The following PLEKHG5 variants were observed in gnomAD, a reference collection of about 807,000 sequenced individuals.
The protein encoded by PLEKHG5 is pleckstrin homology domain-containing family G member 5.
Under a neutral mutation model 103.8 loss-of-function variants are expected in PLEKHG5, and 52 were observed. The observed-to-expected ratio is 0.50, with a 90% CI of 0.40 to 0.63. The LOEUF (loss-of-function observed/expected upper bound fraction) is 0.63. Ranked by LOEUF, PLEKHG5 falls within the 30% of genes least tolerant of loss-of-function variation. PLEKHG5 has a pLI of 0.00. For synonymous variants in PLEKHG5, 592 were observed against 575.5 expected, an observed-to-expected ratio of 1.03 and a Z score of -0.41; for missense variants, 1,205 against 1,347.6, an observed-to-expected ratio of 0.89 and a Z score of 1.66.
rs1644799258 is a variant in PLEKHG5 at position 6,477,649 on chromosome 1, G to A, written c.-78C>T. The A allele has an allele frequency of 6.2e-7, 1 of 1,603,896 alleles. No individual in the cohort carries two copies. The highest frequency in any genetic ancestry group is 8.5e-7 in the Non-Finnish European group (1 of 1,179,890). On this transcript the variant is annotated 5_prime_UTR_variant, in exon 2 of 21. Transcript: ENST00000377728. Reference sequence around the variant, plus strand: ...CGGTGCAGCTGCTGGCAGTCGGCGTGGTGACATACCTGGGGTGGGGACAGA... The same window carrying A: ...CGGTGCAGCTGCTGGCAGTCGGCGTAGTGACATACCTGGGGTGGGGACAGA...
intron 1 of PLEKHG5, among the ~76,000 whole-genome samples, chr1:6,502,812 ACAGCCGTGTGCC>A (rs1645310344): frequency 6.6e-6 from 1 of 152,298 alleles, no homozygotes; most frequent in Non-Finnish European, 1.5e-5. Flanking sequence ...GCCCACACAG[ACAGCCGTGTGCC>A]CAGGCTCACC....
chr1:6,513,803 A>T (rs1162734830), intron 1 of PLEKHG5, among the ~76,000 whole-genome samples: 1 of 152,150 alleles, frequency 6.6e-6, no homozygotes, highest in Non-Finnish European at 1.5e-5. Context: ...CCCAGCAGAG[A>T]CCCAGGCTGC....
intron 1 of PLEKHG5, chr1:6,519,442 C>CACCG (rs1314136721): frequency 2.5e-6 from 4 of 1,608,852 alleles, no homozygotes; most frequent in Non-Finnish European, 3.4e-6. Context: ...AAAACATACT[C>CACCG]ACCGGTTCCT....
intron 1 of PLEKHG5, among the ~76,000 whole-genome samples, chr1:6,489,565 T>A (rs1241026036): frequency 6.6e-6 from 1 of 152,220 alleles, no homozygotes; most frequent in Non-Finnish European, 1.5e-5. Flanking sequence ...CATCCCCTCC[T>A]GCCCAGCCTC....
rs1407992685 is a variant in PLEKHG5, at chr1:6,468,099, C to G, written c.2737G>C (p.Gly913Arg). 8 of 1,585,044 alleles carry G rather than the reference C, an allele frequency of 5.0e-6. No homozygotes were observed. The highest frequency in any genetic ancestry group is 2.7e-5 in the African/African-American group (2 of 74,382). Residue 913 changes from glycine (G) to arginine (R), a missense_variant, in exon 20 of 21, where the codon GGT (glycine) becomes CGT (arginine). Coordinates refer to ENST00000377728, the MANE Select transcript of PLEKHG5 (RefSeq NM_020631.6). ...TGAGGGGAGCCCTGAGTCCTAATAC[C>G]TGGGGCTGGAACAGCCAGGCAGAGC... ...SELCLAVPAPGIRTQGSPQEA... is the reference protein window; with the variant it reads ...SELCLAVPAPRIRTQGSPQEA...
chr1:6,470,090 G>T, intron 16 of PLEKHG5, 146 bp downstream of exon 16: 3 of 928,910 alleles, frequency 3.2e-6, no homozygotes, highest in African/African-American at 1.6e-5. Flanking sequence ...TTTGTGAATG[G>T]CAGGCAGAGA....
intron 17 of PLEKHG5, 35 bp downstream of exon 17, chr1:6,469,509 C>A: frequency 6.2e-7 from 1 of 1,613,842 alleles, no homozygotes; most frequent in Middle Eastern, 1.6e-4. Flanking sequence ...CCCATCACAG[C>A]CCCTGACCAG....
At chr1:6,519,564 T>C in exon 1 of PLEKHG5, 1 of 1,325,968 alleles carries the variant, frequency 7.5e-7, no homozygotes, top group Non-Finnish European at 1.1e-6. Context: ...CACATGCCAA[T>C]GCCACAGGCC....
upstream of PLEKHG5, among the ~76,000 whole-genome samples, chr1:6,501,506 G>A (rs1191861334): frequency 2.0e-5 from 3 of 152,172 alleles, no homozygotes; most frequent in East Asian, 1.9e-4. The surrounding 1 kb of genome is among the most constrained non-coding windows in gnomAD (Gnocchi z 4.3). Flanking sequence ...CTTCAGGAAC[G>A]ACACACAATG....
In PLEKHG5 at chr1:6,471,412, C is replaced by A; in HGVS notation, c.1281+76G>T. ...GGGAGGTTGGGGATGCTGGGCAGACCGGATCGGGCCGTGGAGGCTTTTCGG... is the reference window on the plus strand; with the variant it reads ...GGGAGGTTGGGGATGCTGGGCAGACAGGATCGGGCCGTGGAGGCTTTTCGG... On this transcript the variant is annotated intron_variant, in intron 12 of 20. Coordinates refer to ENST00000377728, the MANE Select transcript of PLEKHG5 (RefSeq NM_020631.6). The A allele has an allele frequency of 6.1e-6, 9 of 1,484,018 alleles. No homozygotes were observed. In the South Asian group the frequency reaches 7.6e-5, roughly 13 times the overall value. The allele number at this position is 1,484,018 out of a possible 1,614,324, so 91.9% of individuals were successfully genotyped here.
At chr1:6,493,716 C>T (rs922400124), upstream of PLEKHG5, among the ~76,000 whole-genome samples, 6 of 152,192 alleles carry the variant, frequency 3.9e-5, no homozygotes, top group African/African-American at 9.6e-5. Context: ...AGTGCAATTG[C>T]GTGATCTCAG....
At chr1:6,476,424 C>T (rs1382081236) in intron 2 of PLEKHG5, among the ~76,000 whole-genome samples, 1 of 152,120 alleles carries the variant, frequency 6.6e-6, no homozygotes, top group Non-Finnish European at 1.5e-5. Flanking sequence ...AACTCCTGAC[C>T]TGAAGTGATC....
At chr1:6,512,564 C>G (rs1359150242) in intron 1 of PLEKHG5, among the ~76,000 whole-genome samples, 1 of 152,236 alleles carries the variant, frequency 6.6e-6, no homozygotes, top group Non-Finnish European at 1.5e-5. Context: ...ACCATCATCA[C>G]CCACCCAACC....
In PLEKHG5 at chr1:6,467,426, G is replaced by A. The variant is rs201019270; in HGVS notation, c.*137C>T. On this transcript the variant is annotated 3_prime_UTR_variant, in exon 21 of 21. Coordinates refer to ENST00000377728, the MANE Select transcript of PLEKHG5 (RefSeq NM_020631.6). ...GTCCGGCAAAGCGCAAATCGGGCCCGGGCGTAGGCAGGGATCCTGCCCAGC... is the reference window on the plus strand; with the variant it reads ...GTCCGGCAAAGCGCAAATCGGGCCCAGGCGTAGGCAGGGATCCTGCCCAGC... 3.2e-4 allele frequency: 302 copies of A among 940,036 alleles called. No homozygotes were observed. Among genetic ancestry groups the A allele is most frequent in the Non-Finnish European group, 4.9e-4 (279 of 571,826 alleles). The allele number at this position is 940,036 out of a possible 1,614,324, so 58.2% of individuals were successfully genotyped here.
intron 15 of PLEKHG5, 24 bp from the exon 16 acceptor site, chr1:6,470,379 AGGG>A: frequency 6.2e-7 from 1 of 1,613,680 alleles, no homozygotes; most frequent in Non-Finnish European, 8.5e-7. Context: ...GCGTGAACGT[AGGG>A]GAGGCCAGAG....
intron 1 of PLEKHG5, among the ~76,000 whole-genome samples, chr1:6,517,921 T>C (rs996436277): frequency 6.6e-6 from 1 of 152,146 alleles, no homozygotes; most frequent in East Asian, 1.9e-4. Flanking sequence ...AAATGCGTCA[T>C]GGCGGATATA....
upstream of PLEKHG5, among the ~76,000 whole-genome samples, chr1:6,499,786 CTTAAT>C (rs1215730732): frequency 2.6e-5 from 4 of 151,990 alleles, no homozygotes; most frequent in Admixed American, 6.6e-5. Flanking sequence ...CTGGGTTTTT[CTTAAT>C]TTAATTTAAT....
chr1:6,510,237 G>C (rs1638437443), intron 1 of PLEKHG5, among the ~76,000 whole-genome samples: 2 of 152,178 alleles, frequency 1.3e-5, no homozygotes, highest in African/African-American at 2.4e-5. Flanking sequence ...TGGCTCTCCT[G>C]TCTCTGTTCT....
At chr1:6,492,553 G>A (rs1349577012), upstream of PLEKHG5, among the ~76,000 whole-genome samples, 1 of 152,100 alleles carries the variant, frequency 6.6e-6, no homozygotes, top group Non-Finnish European at 1.5e-5. Flanking sequence ...CAGGTACGGA[G>A]GGCACACCCA....
Sources: gnomAD v4.1 joint callset for allele counts (sites outside exome capture counted in the v4.1 genomes callset) on GRCh38, gnomAD v4.1.1 for gene constraint, Gnocchi (gnomAD v3.1) non-coding constraint, MANE v1.5 for transcripts, NCBI Gene and HGNC (gene_info 2026-07-23, HGNC 2026-07-21) for gene names.